Variants in STPG2 observed in about 807,000 individuals in gnomAD.
STPG2 encodes sperm tail PG-rich repeat containing 2.
In STPG2, 56 loss-of-function variants were observed where a neutral mutation model predicts 54.2. That is an observed-to-expected ratio of 1.03 (90% CI 0.83 to 1.29). STPG2 has a LOEUF of 1.29. Ranked by LOEUF, STPG2 falls within the 50% of genes most tolerant of loss-of-function variation. STPG2 has a pLI of 0.00. For missense variants in STPG2, 596 were observed against 544.9 expected, an observed-to-expected ratio of 1.09 and a Z score of -0.93; for synonymous variants, 200 against 181.8, an observed-to-expected ratio of 1.10 and a Z score of -0.81.
chr4:98,044,439 T>C (rs1737064021), intron 5 of STPG2, among the ~76,000 whole-genome samples: 1 of 152,182 alleles, frequency 6.6e-6, no homozygotes, highest in Non-Finnish European at 1.5e-5. Context: ...TAAATCTGTA[T>C]CAAGATGGTT....
chr4:97,853,025 A>G (rs1188766677), intron 8 of STPG2, among the ~76,000 whole-genome samples: 26 of 118,666 alleles, frequency 2.2e-4, no homozygotes, highest in Admixed American at 3.7e-4. Context: ...CACCCAGGCT[A>G]GAGTGCAGTG....
At chr4:98,122,420 T>C (rs570093776) in intron 3 of STPG2, among the ~76,000 whole-genome samples, 1 of 152,232 alleles carries the variant, frequency 6.6e-6, no homozygotes, top group Non-Finnish European at 1.5e-5. Context: ...ATGTTGAATT[T>C]TATCAAAGGC....
intron 9 of STPG2, among the ~76,000 whole-genome samples, chr4:97,835,628 T>C (rs1195141274): frequency 6.6e-6 from 1 of 152,100 alleles, no homozygotes; most frequent in Non-Finnish European, 1.5e-5. Flanking sequence ...AATTTCAACT[T>C]TCAAGTCTTA....
At chr4:97,618,372 C>T (rs1733925466) in intron 10 of STPG2, among the ~76,000 whole-genome samples, 2 of 151,954 alleles carry the variant, frequency 1.3e-5, no homozygotes, top group Non-Finnish European at 2.9e-5. Flanking sequence ...TATTGCAACA[C>T]AGTAGGAAAT....
intron 7 of STPG2, among the ~76,000 whole-genome samples, chr4:97,950,299 C>A (rs1466119128): frequency 6.6e-6 from 1 of 151,864 alleles, no homozygotes; most frequent in Non-Finnish European, 1.5e-5. Flanking sequence ...CATTTCTGTT[C>A]TTTATTCTTT....
At chr4:98,101,590 A>C (rs1242324648) in intron 5 of STPG2, among the ~76,000 whole-genome samples, 1 of 152,132 alleles carries the variant, frequency 6.6e-6, no homozygotes, top group African/African-American at 2.4e-5. Context: ...CCAACCTTAA[A>C]TATAGCCCAG....
At chr4:97,901,447 CT>C in intron 8 of STPG2, among the ~76,000 whole-genome samples, 1 of 152,016 alleles carries the variant, frequency 6.6e-6, no homozygotes, top group South Asian at 2.1e-4. Context: ...CTAAAGACTA[CT>C]GCCCCCCCAA....
intron 10 of STPG2, among the ~76,000 whole-genome samples, chr4:97,565,563 T>C (rs774133055): frequency 2.0e-4 from 30 of 152,172 alleles, no homozygotes; most frequent in Non-Finnish European, 3.8e-4. Context: ...GTCTTTGTGG[T>C]TTTATCTACT....
rs546993986 is a variant in STPG2, at chr4:97,770,709, T to A, written c.1205-57895A>T. Among the ~76,000 whole-genome samples the A allele has an allele frequency of 3.3e-5, 5 of 152,260 alleles. No homozygotes were observed. In the South Asian group the frequency reaches 1.0e-3, roughly 32 times the overall value. On this transcript the variant is annotated intron_variant, in intron 9 of 10. Coordinates refer to ENST00000295268, the MANE Select transcript of STPG2 (RefSeq NM_174952.3). Reference sequence around the variant, plus strand: ...AATCTGGATGTATTTTGAAGATAGATTCCACAGCACTTGCTGATGAACTGG... The same window carrying A: ...AATCTGGATGTATTTTGAAGATAGAATCCACAGCACTTGCTGATGAACTGG...
chr4:98,052,401 T>C (rs1737351473), intron 5 of STPG2, among the ~76,000 whole-genome samples: 1 of 152,214 alleles, frequency 6.6e-6, no homozygotes, highest in Admixed American at 6.5e-5. Flanking sequence ...AAAAATATTA[T>C]CTATTAATTG....
chr4:97,570,297 T>G (rs185102797), intron 10 of STPG2, among the ~76,000 whole-genome samples: 1 of 152,306 alleles, frequency 6.6e-6, no homozygotes, highest in Admixed American at 6.5e-5. Context: ...CTCGGTTTTA[T>G]AATACATATA....
chr4:97,941,460 A>T (rs1160057412), intron 8 of STPG2, among the ~76,000 whole-genome samples: 1 of 152,046 alleles, frequency 6.6e-6, no homozygotes, highest in Non-Finnish European at 1.5e-5. Flanking sequence ...GTTTATGTTC[A>T]TCCTCCATTT....
chr4:97,977,093 T>G (rs1734524206), intron 6 of STPG2, among the ~76,000 whole-genome samples: 1 of 152,170 alleles, frequency 6.6e-6, no homozygotes, highest in African/African-American at 2.4e-5. Flanking sequence ...ATCCACGTTG[T>G]TTTCTAAAAT....
chr4:98,106,228 G>A (rs1347259078), intron 4 of STPG2, among the ~76,000 whole-genome samples, 164 bp from the exon 5 acceptor site: 1 of 152,014 alleles, frequency 6.6e-6, no homozygotes, highest in Non-Finnish European at 1.5e-5. Context: ...TTTGTAAAAT[G>A]TATTAGTTTT....
At chr4:97,880,479 T>C (rs1018375216) in intron 8 of STPG2, among the ~76,000 whole-genome samples, 1 of 152,074 alleles carries the variant, frequency 6.6e-6, no homozygotes, top group Admixed American at 6.6e-5. Context: ...GTATAGAAAA[T>C]AAACCCTTGA....
At chr4:98,084,634 T>G (rs1193855741) in intron 5 of STPG2, among the ~76,000 whole-genome samples, 1 of 152,192 alleles carries the variant, frequency 6.6e-6, no homozygotes, top group Non-Finnish European at 1.5e-5. Context: ...ATTTCCAGTC[T>G]CTTTTACTTT....
In STPG2 at chr4:97,540,371, G is replaced by C. The variant is rs558876024; in HGVS notation, c.462+172328C>G. ...CCTCTATGCAAATAAACTAGAAAAT[G>C]TAGAAGAAATGGATAAATTCCTCGA... is the stretch of plus-strand genomic sequence containing the variant. On this transcript the variant is annotated intron_variant, in intron 4 of 4. Coordinates refer to the STPG2 transcript ENST00000522676. Among the ~76,000 whole-genome samples, 838 of 152,078 alleles carry C rather than the reference G, an allele frequency of 5.5e-3. 7 individuals are homozygous for C. The highest frequency in any genetic ancestry group is 0.021 in the Middle Eastern group (6 of 292).
chr4:97,807,585 T>C (rs1396865728), intron 9 of STPG2, among the ~76,000 whole-genome samples: 1 of 151,662 alleles, frequency 6.6e-6, no homozygotes, highest in Non-Finnish European at 1.5e-5. Flanking sequence ...ATTGCTGAAC[T>C]GGAAGAGTAG....
chr4:98,134,688 C>CA lies in STPG2; in HGVS notation c.110-230dup, dbSNP rs556037192. On this transcript the variant is annotated intron_variant, in intron 1 of 10. Coordinates refer to ENST00000295268, the MANE Select transcript of STPG2 (RefSeq NM_174952.3). Reference sequence around the variant, plus strand: ...AAGAACTTGACTTATTGAACAACAACAAAAAAAAAACTAAAGAAAATAAAG... The same window carrying CA: ...AAGAACTTGACTTATTGAACAACAACAAAAAAAAAAACTAAAGAAAATAAAG... 4.8e-3 allele frequency among the ~76,000 whole-genome samples: 697 copies of CA among 144,956 alleles called. 2 individuals are homozygous for CA. Among genetic ancestry groups the CA allele is most frequent in the South Asian group, 0.026 (118 of 4,614 alleles).
Sources: allele counts gnomAD v4.1 joint callset (sites outside exome capture counted in the v4.1 genomes callset), GRCh38; gene constraint gnomAD v4.1.1; transcripts MANE v1.5; gene names NCBI Gene and HGNC (gene_info 2026-07-23, HGNC 2026-07-21).